Variants in CFAP77 observed in about 807,000 individuals in gnomAD.
CFAP77 encodes cilia and flagella associated protein 77, also known as cilia- and flagella-associated protein 77.
A neutral mutation model predicts 31.1 loss-of-function variants in CFAP77; 25 were observed. That is an observed-to-expected ratio of 0.80 (90% CI 0.59 to 1.12). The LOEUF (loss-of-function observed/expected upper bound fraction) is 1.12. Among genes scored for constraint, CFAP77 ranks in the 50% most tolerant of loss-of-function variants. CFAP77 has a pLI of 0.00. For synonymous variants in CFAP77, 151 were observed against 159.9 expected, an observed-to-expected ratio of 0.94 and a Z score of 0.42; for missense variants, 377 against 397.3, an observed-to-expected ratio of 0.95 and a Z score of 0.44.
rs1322907860 is a variant in CFAP77, at chr9:132,492,631, C to A, written c.196-6064C>A. 2.0e-5 allele frequency among the ~76,000 whole-genome samples: 3 copies of A among 152,326 alleles called. No homozygotes were observed. The East Asian group carries it at 5.8e-4, about 29-fold the overall frequency. ...AGGACCCTCCGGCTGTCCATGCCTT[C>A]TTTTCCATACCTGTGAAATCAGCAC... On this transcript the variant is annotated intron_variant, in intron 1 of 5. Transcript: ENST00000393216.
At chr9:132,500,278 C>T (rs915305775) in intron 3 of CFAP77, among the ~76,000 whole-genome samples, 1 of 152,092 alleles carries the variant, frequency 6.6e-6, no homozygotes, top group Non-Finnish European at 1.5e-5. Context: ...TGGGCTCAAA[C>T]GTGGACTCTG....
At chr9:132,485,410 C>G (rs1440226579) in intron 1 of CFAP77, among the ~76,000 whole-genome samples, 1 of 152,184 alleles carries the variant, frequency 6.6e-6, no homozygotes, top group Non-Finnish European at 1.5e-5. Flanking sequence ...AGCCAGAGTT[C>G]CAGCTCGGGT....
At chr9:132,508,383 A>T (rs1851973222) in intron 3 of CFAP77, among the ~76,000 whole-genome samples, 1 of 152,168 alleles carries the variant, frequency 6.6e-6, no homozygotes, top group Non-Finnish European at 1.5e-5. Flanking sequence ...AGAATGCAGG[A>T]CATCATACAT....
At position 132,495,434 on chromosome 9, in the gene CFAP77, A is replaced by T. The variant is rs1851726226; in HGVS notation, c.196-3261A>T. Among the ~76,000 whole-genome samples, 1 of 152,156 alleles carries T rather than the reference A, an allele frequency of 6.6e-6. No homozygotes were observed. The highest frequency in any genetic ancestry group is 1.5e-5 in the Non-Finnish European group (1 of 68,030). On this transcript the variant is annotated intron_variant, in intron 1 of 5. Transcript: ENST00000393216. The surrounding 1 kb of genome is among the most constrained non-coding windows in gnomAD (Gnocchi z 4.2). ...AATTAACTTCCCCGGCAGTCACTGG[A>T]GAGGCCGGATCATTTTCATAAACAA... is the stretch of plus-strand genomic sequence containing the variant.
intron 4 of CFAP77, among the ~76,000 whole-genome samples, chr9:132,541,097 G>A (rs1378457582): frequency 6.6e-6 from 1 of 152,170 alleles, no homozygotes; most frequent in Non-Finnish European, 1.5e-5. Context: ...CGGTCAGTTT[G>A]CAAAGCCACA....
intron 4 of CFAP77, among the ~76,000 whole-genome samples, chr9:132,541,365 GA>G (rs1372542696): frequency 6.6e-6 from 1 of 152,192 alleles, no homozygotes; most frequent in Non-Finnish European, 1.5e-5. Flanking sequence ...CTCTAATTCC[GA>G]AGCCTGGCTC....
At chr9:132,538,948 G>C (rs1032589126) in intron 4 of CFAP77, among the ~76,000 whole-genome samples, 1 of 151,496 alleles carries the variant, frequency 6.6e-6, no homozygotes, top group African/African-American at 2.4e-5. Context: ...TTAGCTGGGC[G>C]TGGTGGCATG....
chr9:132,561,878 C>T lies in CFAP77; in HGVS notation c.733-10510C>T, dbSNP rs546070412. Among the ~76,000 whole-genome samples the T allele has an allele frequency of 9.9e-5, 15 of 152,150 alleles. No homozygotes were observed. In the East Asian group the frequency reaches 1.7e-3, roughly 18 times the overall value. On this transcript the variant is annotated intron_variant, in intron 5 of 5. Coordinates refer to ENST00000393216, the MANE Select transcript of CFAP77 (RefSeq NM_001282957.2). ...GAAGGGGAAGAAGGCAAAGGCAGCCCGCTTTTCAGCTTGTGGACCAGAGCC... is the reference window on the plus strand; with the variant it reads ...GAAGGGGAAGAAGGCAAAGGCAGCCTGCTTTTCAGCTTGTGGACCAGAGCC...
At chr9:132,529,945 C>T (rs1223134686) in intron 3 of CFAP77, among the ~76,000 whole-genome samples, 1 of 152,084 alleles carries the variant, frequency 6.6e-6, no homozygotes, top group Non-Finnish European at 1.5e-5. Context: ...TGTGCATCCT[C>T]ATTTGGTAGT....
intron 3 of CFAP77, among the ~76,000 whole-genome samples, chr9:132,529,520 C>CAAAAAAAAACA (rs1852398486): frequency 8.1e-6 from 1 of 123,416 alleles, no homozygotes; most frequent in Non-Finnish European, 1.8e-5. Flanking sequence ...AAAAAAAAAA[C>CAAAAAAAAACA]AAAAAAAAAA....
chr9:132,521,213 G>A (rs974137880), intron 3 of CFAP77, among the ~76,000 whole-genome samples: 1 of 152,224 alleles, frequency 6.6e-6, no homozygotes, highest in African/African-American at 2.4e-5. Context: ...CCATGAGAGA[G>A]AGAGAAGGGA....
rs949363147 is a variant in CFAP77, at chr9:132,553,713, C to T, written c.732+10666C>T. On this transcript the variant is annotated intron_variant, in intron 5 of 5. Coordinates refer to ENST00000393216, the MANE Select transcript of CFAP77 (RefSeq NM_001282957.2). ...CTGAATGTTGGAAGGGGGAACCCCACGTTGCAACAACAGTGGACGGCCTAG... is the reference window on the plus strand; with the variant it reads ...CTGAATGTTGGAAGGGGGAACCCCATGTTGCAACAACAGTGGACGGCCTAG... Among the ~76,000 whole-genome samples the T allele has an allele frequency of 5.9e-5, 9 of 152,240 alleles. No individual in the cohort carries two copies. The East Asian group carries it at 7.7e-4, about 13-fold the overall frequency.
chr9:132,552,291 C>G lies in CFAP77; in HGVS notation c.732+9244C>G, dbSNP rs1022170019. Among the ~76,000 whole-genome samples, 17 of 152,230 alleles carry G rather than the reference C, an allele frequency of 1.1e-4. 1 individual carries two copies. The highest frequency in any genetic ancestry group is 5.2e-4 in the Admixed American group (8 of 15,288). On this transcript the variant is annotated intron_variant, in intron 5 of 5. Coordinates refer to ENST00000393216, the MANE Select transcript of CFAP77 (RefSeq NM_001282957.2). This position sits in a 1 kb window ranked among gnomAD's most constrained non-coding sequence, Gnocchi z 5.5. ...GGCACAGGCCTGGCTAGGGGACGGT[C>G]ATGGAGCAACAAAGCCTCTGGGAGG... is the stretch of plus-strand genomic sequence containing the variant.
chr9:132,476,147 G>A (rs1169833879), intron 1 of CFAP77, among the ~76,000 whole-genome samples: 1 of 152,152 alleles, frequency 6.6e-6, no homozygotes, highest in African/African-American at 2.4e-5. Flanking sequence ...AGTTCTCGTG[G>A]CCTGTAAGAC....
intron 1 of CFAP77, among the ~76,000 whole-genome samples, chr9:132,458,587 T>C (rs529573333): frequency 1.3e-5 from 2 of 152,238 alleles, no homozygotes; most frequent in South Asian, 4.1e-4. Context: ...GGAATTAGCA[T>C]TGGGTAGCTC....
intron 3 of CFAP77, among the ~76,000 whole-genome samples, chr9:132,534,610 CAAAAA>C (rs201151199): frequency 1.6e-5 from 1 of 64,110 alleles, no homozygotes; most frequent in African/African-American, 5.1e-5. Flanking sequence ...GACTCTGTCT[CAAAAA>C]AAAAAAAAAA....
chr9:132,524,966 T>G (rs538277415), intron 3 of CFAP77, among the ~76,000 whole-genome samples: 6 of 148,702 alleles, frequency 4.0e-5, no homozygotes, highest in African/African-American at 1.5e-4. Flanking sequence ...CCATATTTAT[T>G]TTTACCCTAT....
rs750962954 is a variant in CFAP77, at chr9:132,530,136, CTTTTTTTTTT to C, written c.525-7453_525-7444del. On this transcript the variant is annotated intron_variant, in intron 3 of 5. Transcript: ENST00000393216. ...TTTGCCTCTTTTCTTTCTTTCTTTTCTTTTTTTTTTTTTTTTTTTTTGGTTTTTGTAGAGA... is the reference window on the plus strand; with the variant it reads ...TTTGCCTCTTTTCTTTCTTTCTTTTCTTTTTTTTTTTGGTTTTTGTAGAGA... Among the ~76,000 whole-genome samples, 137 of 93,276 alleles carry C rather than the reference CTTTTTTTTTT, an allele frequency of 1.5e-3. 1 individual carries two copies. Among genetic ancestry groups the C allele is most frequent in the African/African-American group, 5.6e-3 (132 of 23,770 alleles). 61.2% of individuals were successfully genotyped at this position (93,276 alleles called of 152,430 possible). A position where few individuals can be genotyped will look rare whatever the true frequency, so the allele number is the denominator to read the frequency against.
intron 5 of CFAP77, among the ~76,000 whole-genome samples, chr9:132,556,722 A>T (rs1035141393): frequency 6.6e-6 from 1 of 152,192 alleles, no homozygotes; most frequent in African/African-American, 2.4e-5. Flanking sequence ...TTACACTGAC[A>T]AGTGGGCGAT....
Sources: gnomAD v4.1 joint callset for allele counts (sites outside exome capture counted in the v4.1 genomes callset) on GRCh38, gnomAD v4.1.1 for gene constraint, Gnocchi (gnomAD v3.1) non-coding constraint, MANE v1.5 for transcripts, NCBI Gene and HGNC (gene_info 2026-07-23, HGNC 2026-07-21) for gene names.